The following LRRC17 variants were observed in gnomAD, a reference collection of about 807,000 sequenced individuals.
The protein encoded by LRRC17 is leucine rich repeat containing 17, also known as leucine-rich repeat-containing protein 17.
In LRRC17, 33 loss-of-function variants were observed where a neutral mutation model predicts 41.5. The observed-to-expected ratio is 0.80, with a 90% CI of 0.60 to 1.06. The LOEUF is 1.06. Among genes scored for constraint, LRRC17 ranks in the 50% least tolerant of loss-of-function variants. The pLI is 0.00. For missense variants in LRRC17, 491 were observed against 519.3 expected (o/e 0.95, Z 0.53); for synonymous variants, 192 against 197.0 (o/e 0.97, Z 0.21).
chr7:102,942,477 G>T, intron 3 of LRRC17: 1 of 599,734 alleles, frequency 1.7e-6, no homozygotes, highest in Non-Finnish European at 2.7e-6. Flanking sequence ...TTAAGAAACA[G>T]ACTAAAACTA....
intron 1 of LRRC17, among the ~76,000 whole-genome samples, chr7:102,917,733 G>C (rs1483980352): frequency 6.6e-6 from 1 of 152,214 alleles, no homozygotes; most frequent in East Asian, 1.9e-4. Flanking sequence ...ATTGTTCCAG[G>C]ATGACACTTC....
At chr7:102,913,311 C>A in intron 1 of LRRC17, 166 bp downstream of exon 1, 2 of 1,472,162 alleles carry the variant, frequency 1.4e-6, no homozygotes, top group Non-Finnish European at 1.9e-6. Flanking sequence ...GTAAATTCAA[C>A]TCTTCTTCTT....
chr7:102,925,498 C>T (rs1584968794), intron 1 of LRRC17, among the ~76,000 whole-genome samples: 1 of 152,240 alleles, frequency 6.6e-6, no homozygotes. Context: ...TATTCACGTC[C>T]AATGTTGTCA....
chr7:102,928,584 A>C (rs1818565936), intron 1 of LRRC17, among the ~76,000 whole-genome samples: 1 of 152,178 alleles, frequency 6.6e-6, no homozygotes, highest in Non-Finnish European at 1.5e-5. Context: ...AATTCAATGC[A>C]TTGTTTTGAC....
intron 1 of LRRC17, among the ~76,000 whole-genome samples, chr7:102,925,269 CCTGTAG>C (rs1817897707): frequency 6.6e-6 from 1 of 152,002 alleles, no homozygotes; most frequent in African/African-American, 2.4e-5. Context: ...GTGGCATGCT[CCTGTAG>C]TCCCAGCTAC....
In LRRC17 at chr7:102,932,273, G is replaced by A. The variant is rs575128821; in HGVS notation, c.-140-1501G>A. 2.6e-5 allele frequency among the ~76,000 whole-genome samples: 4 copies of A among 151,916 alleles called. No homozygotes were observed. The South Asian group carries it at 8.3e-4, about 32-fold the overall frequency. ...TTTGTGCCTGCTTTTTTATTTTTTT[G>A]TTTTCATTTAACATTTTATTATGAA... On this transcript the variant is annotated intron_variant, in intron 1 of 3. Transcript: ENST00000339431.
chr7:102,944,271 CT>C lies in LRRC17; in HGVS notation c.993del (p.Phe331LeufsTer6). The C allele has an allele frequency of 6.2e-7, 1 of 1,613,440 alleles. No individual in the cohort carries two copies. The highest frequency in any genetic ancestry group is 8.5e-7 in the Non-Finnish European group (1 of 1,179,802). On this transcript the variant is annotated frameshift_variant, in exon 4 of 4. Coordinates refer to ENST00000339431, the MANE Select transcript of LRRC17 (RefSeq NM_001031692.3). LOFTEE classifies it high-confidence loss of function. ...LDLSNNSLQN[F>X]DYGVLEDLYF... ...ATTTATCAAACAACAGTCTGCAAAA[CT>C]TTGACTATGGCGTATTAGAAGACTT...
intron 2 of LRRC17, among the ~76,000 whole-genome samples, chr7:102,938,521 C>T (rs2129474797): frequency 6.6e-6 from 1 of 152,214 alleles, no homozygotes; most frequent in South Asian, 2.1e-4. Flanking sequence ...GGAGAAGGAG[C>T]AAGCTTGTAA....
chr7:102,937,214 G>A (rs1039171105), intron 2 of LRRC17, among the ~76,000 whole-genome samples: 1 of 151,856 alleles, frequency 6.6e-6, no homozygotes, highest in African/African-American at 2.4e-5. Flanking sequence ...TAAGACGAAG[G>A]GTAGGCCAGG....
At chr7:102,929,066 C>A (rs1484935153) in intron 1 of LRRC17, among the ~76,000 whole-genome samples, 10 of 152,114 alleles carry the variant, frequency 6.6e-5, no homozygotes, top group African/African-American at 2.4e-4. Context: ...TTATGTTCTG[C>A]TGGACAGGGA....
chr7:102,919,752 C>T (rs556395530), intron 1 of LRRC17, among the ~76,000 whole-genome samples: 1 of 152,260 alleles, frequency 6.6e-6, no homozygotes, highest in South Asian at 2.1e-4. Flanking sequence ...TGTTTATCCT[C>T]CAAGATAATA....
rs763959804 is a variant in LRRC17 at position 102,933,931 on chromosome 7, T to C, written c.18T>C (p.Ile6=). 1.1e-5 allele frequency: 18 copies of C among 1,609,304 alleles called. No individual in the cohort carries two copies. The East Asian group carries it at 2.0e-4, about 18-fold the overall frequency. MRVVT[I]VILLCFCKAA... ...ATGTCAGGATGCGTGTGGTTACCATTGTAATCTTGCTCTGCTTTTGCAAAG... is the reference window on the plus strand; with the variant it reads ...ATGTCAGGATGCGTGTGGTTACCATCGTAATCTTGCTCTGCTTTTGCAAAG... The change falls in exon 2 of 4, where the codon ATT becomes ATC. Residue 6 remains isoleucine, a synonymous_variant. Transcript: ENST00000339431.
chr7:102,931,829 T>C, intron 1 of LRRC17: 9 of 1,545,014 alleles, frequency 5.8e-6, no homozygotes, highest in African/African-American at 1.4e-5. Flanking sequence ...GGCACCCCAA[T>C]GTAGCAAGTC....
chr7:102,933,895 G>T lies in LRRC17; in HGVS notation c.-19G>T. On this transcript the variant is annotated 5_prime_UTR_variant, in exon 2 of 4. Transcript: ENST00000339431. The stretch of plus-strand genomic sequence containing the variant: ...TTCCGTCTGTAACACGAAGTAATTG[G>T]GGCCAGCTGGATGTCAGGATGCGTG... 1 of 1,576,568 alleles carries T rather than the reference G, an allele frequency of 6.3e-7. No homozygotes were observed. The highest frequency in any genetic ancestry group is 8.6e-7 in the Non-Finnish European group (1 of 1,158,856).
chr7:102,931,500 GCAACTAGGGAAACATATTCATTT>G (rs1236577485), intron 1 of LRRC17, among the ~76,000 whole-genome samples: 1 of 152,170 alleles, frequency 6.6e-6, no homozygotes, highest in Admixed American at 6.5e-5. Flanking sequence ...CAGGAAGAAA[GCAACTAGGGAAACATATTCATTT>G]CCATCTTCTT....
At chr7:102,922,744 G>A (rs534861065) in intron 1 of LRRC17, among the ~76,000 whole-genome samples, 3 of 151,952 alleles carry the variant, frequency 2.0e-5, no homozygotes, top group Admixed American at 6.6e-5. Flanking sequence ...AGGCCGAGGC[G>A]GGCGGATCAC....
At chr7:102,923,379 A>C (rs1817468149) in intron 1 of LRRC17, among the ~76,000 whole-genome samples, 1 of 152,196 alleles carries the variant, frequency 6.6e-6, no homozygotes, top group Admixed American at 6.5e-5. Context: ...GCTATCAATG[A>C]GAGGTCACCA....
chr7:102,922,048 A>T (rs1817137494), intron 1 of LRRC17, among the ~76,000 whole-genome samples: 1 of 151,824 alleles, frequency 6.6e-6, no homozygotes, highest in African/African-American at 2.4e-5. Context: ...AAATCAGCAG[A>T]GTGTGGTGGC....
chr7:102,917,298 T>C (rs917967039), intron 1 of LRRC17, among the ~76,000 whole-genome samples: 5 of 152,132 alleles, frequency 3.3e-5, no homozygotes, highest in East Asian at 1.9e-4. Context: ...TCCAAGCCAA[T>C]TGAAAGGTCA....
Sources: allele counts gnomAD v4.1 joint callset (sites outside exome capture counted in the v4.1 genomes callset), GRCh38; gene constraint gnomAD v4.1.1; transcripts MANE v1.5; gene names NCBI Gene and HGNC (gene_info 2026-07-23, HGNC 2026-07-21).